Variants in PGBD2 observed in about 807,000 individuals in gnomAD.
PGBD2 encodes piggyBac transposable element-derived protein 2.
A neutral mutation model predicts 8.1 loss-of-function variants in PGBD2; 6 were observed. That is an observed-to-expected ratio of 0.74 (90% CI 0.40 to 1.46). PGBD2 has a LOEUF of 1.46. Among genes scored for constraint, PGBD2 ranks in the 40% most tolerant of loss-of-function variants. PGBD2 has a pLI of 0.02. For synonymous variants in PGBD2, 318 were observed against 272.2 expected (o/e 1.17, Z -1.66); for missense variants, 802 against 739.0 (o/e 1.09, Z -0.99).
the PGBD2 span, among the ~76,000 whole-genome samples, chr1:248,890,688 AC>A: frequency 6.7e-6 from 1 of 149,962 alleles, no homozygotes; most frequent in African/African-American, 2.5e-5. Context: ...CACCATACAC[AC>A]CAACACCGAC....
chr1:248,879,453 G>C, the PGBD2 span, among the ~76,000 whole-genome samples: 16 of 152,092 alleles, frequency 1.1e-4, no homozygotes, highest in Non-Finnish European at 2.1e-4. Context: ...TGAGTGTAGT[G>C]GCGTGATCTC....
the PGBD2 span, among the ~76,000 whole-genome samples, chr1:248,889,642 G>C: frequency 6.6e-6 from 1 of 152,036 alleles, no homozygotes; most frequent in Non-Finnish European, 1.5e-5. Context: ...AAGGCAGCTC[G>C]GGGACAGGGA....
chr1:248,914,593 G>A, intron 2 of PGBD2: 1 of 1,288,876 alleles, frequency 7.8e-7, no homozygotes, highest in Non-Finnish European at 1.0e-6. Flanking sequence ...GGTAAATCCT[G>A]CATCCTTCTG....
chr1:248,882,504 A>G, the PGBD2 span, among the ~76,000 whole-genome samples: 2 of 152,220 alleles, frequency 1.3e-5, no homozygotes, highest in African/African-American at 4.8e-5. Context: ...ATCCATAGAA[A>G]CAGGACATGA....
chr1:248,916,803 T>C lies in PGBD2; in HGVS notation c.219T>C (p.Ser73=), dbSNP rs1465529011. Residue 73 remains serine (S), a synonymous_variant, in exon 3 of 3, where the codon AGT becomes AGC. Transcript: ENST00000329291. ...DSQRGAHLPG[S]VLHASVLCED... ...AGCGAGGTGCTCACCTACCTGGCAG[T>C]GTGCTGCATGCTTCAGTCCTGTGTG... The C allele has an allele frequency of 3.1e-6, 5 of 1,614,194 alleles. No homozygotes were observed. The South Asian group carries it at 4.4e-5, about 14-fold the overall frequency.
chr1:248,897,783 T>C, the PGBD2 span, among the ~76,000 whole-genome samples: 1 of 147,702 alleles, frequency 6.8e-6, no homozygotes, highest in South Asian at 2.1e-4. Context: ...CCCACTGGCT[T>C]AGAAATCCCC....
the PGBD2 span, among the ~76,000 whole-genome samples, chr1:248,894,070 C>T: frequency 3.3e-5 from 5 of 152,102 alleles, no homozygotes; most frequent in Non-Finnish European, 5.9e-5. Flanking sequence ...AATGTGTGTA[C>T]TCAGGTCCTT....
At chr1:248,896,499 C>T in the PGBD2 span, among the ~76,000 whole-genome samples, 1 of 152,054 alleles carries the variant, frequency 6.6e-6, no homozygotes, top group African/African-American at 2.4e-5. Context: ...GGTTGGAGTG[C>T]AGTGGCACGA....
Position 248,917,254 on chromosome 1 carries a change from A to C in PGBD2, c.670A>C (p.Ile224Leu). The change falls in exon 3 of 3, where the codon ATC (isoleucine) becomes CTC (leucine). Residue 224 changes from isoleucine to leucine, a missense_variant. Ile to Leu is a conservative substitution (Grantham distance 5). Coordinates refer to ENST00000329291, the MANE Select transcript of PGBD2 (RefSeq NM_170725.3). Reference sequence around the variant, plus strand: ...AATTAGAAGGGACAGATTTGAACTAATCTTCTCATACTTACATTTTGCAGA... The same window carrying C: ...AATTAGAAGGGACAGATTTGAACTACTCTTCTCATACTTACATTTTGCAGA... Reference protein sequence around the residue: ...DAIRRDRFELIFSYLHFADNN... With the variant: ...DAIRRDRFELLFSYLHFADNN... 6.2e-7 allele frequency: 1 copy of C among 1,614,096 alleles called. No individual in the cohort carries two copies. Among genetic ancestry groups the C allele is most frequent in the Non-Finnish European group, 8.5e-7 (1 of 1,180,022 alleles).
chr1:248,906,793 C>T (rs1487087116), intron 1 of PGBD2, among the ~76,000 whole-genome samples: 2 of 152,098 alleles, frequency 1.3e-5, no homozygotes, highest in Admixed American at 6.5e-5. Flanking sequence ...TTAACTGCGT[C>T]TGCCTGGGAA....
the PGBD2 span, among the ~76,000 whole-genome samples, chr1:248,877,405 TCA>T: frequency 7.2e-5 from 11 of 152,300 alleles, no homozygotes; most frequent in African/African-American, 2.6e-4. Context: ...CAAGTGATCC[TCA>T]CACTTCAGCC....
the PGBD2 span, among the ~76,000 whole-genome samples, chr1:248,885,965 T>G: frequency 6.6e-6 from 1 of 152,332 alleles, no homozygotes; most frequent in African/African-American, 2.4e-5. Context: ...AAAGTGAACT[T>G]TCCTACCCTG....
the PGBD2 span, among the ~76,000 whole-genome samples, chr1:248,889,858 A>AG: frequency 6.0e-5 from 9 of 150,540 alleles, no homozygotes; most frequent in Admixed American, 5.9e-4. Flanking sequence ...GATAGGCAAA[A>AG]CAAAGAGTCA....
chr1:248,883,175 G>A, the PGBD2 span, among the ~76,000 whole-genome samples: 3 of 152,188 alleles, frequency 2.0e-5, no homozygotes, highest in African/African-American at 7.2e-5. Context: ...CCAGGCTGGA[G>A]TGCAATGGCG....
intron 1 of PGBD2, among the ~76,000 whole-genome samples, chr1:248,906,977 G>A (rs578016065): frequency 2.6e-5 from 4 of 152,108 alleles, no homozygotes; most frequent in African/African-American, 9.7e-5. Context: ...GAGAGACTGA[G>A]AAAAGAAATA....
At chr1:248,916,398 G>A (rs955613132) in intron 2 of PGBD2, among the ~76,000 whole-genome samples, 11 of 151,946 alleles carry the variant, frequency 7.2e-5, no homozygotes, top group African/African-American at 9.6e-5. Flanking sequence ...GCATGACTCC[G>A]TCTAAAAAAA....
chr1:248,873,696 C>G, the PGBD2 span, among the ~76,000 whole-genome samples: 3 of 152,232 alleles, frequency 2.0e-5, no homozygotes, highest in East Asian at 5.8e-4. Flanking sequence ...GGCTGCATTG[C>G]AGTCGCGGCT....
At chr1:248,914,415 G>T in intron 2 of PGBD2, 1 of 1,243,456 alleles carries the variant, frequency 8.0e-7, no homozygotes, top group Non-Finnish European at 1.0e-6. Context: ...CCTTTAAGCC[G>T]GTCTCTTTTT....
the PGBD2 span, among the ~76,000 whole-genome samples, chr1:248,874,260 T>A: frequency 6.6e-6 from 1 of 152,184 alleles, no homozygotes; most frequent in Non-Finnish European, 1.5e-5. Flanking sequence ...CCTGGTGGTC[T>A]AGTGGTTAGG....
Sources: allele counts gnomAD v4.1 joint callset (sites outside exome capture counted in the v4.1 genomes callset), GRCh38; gene constraint gnomAD v4.1.1; transcripts MANE v1.5; gene names NCBI Gene and HGNC (gene_info 2026-07-23, HGNC 2026-07-21).